The following MCPH1 variants were observed in gnomAD, a reference collection of about 807,000 sequenced individuals.
MCPH1 encodes microcephalin.
A neutral mutation model predicts 84.5 loss-of-function variants in MCPH1; 104 were observed. The observed-to-expected ratio is 1.23, with a 90% confidence interval of 1.05 to 1.45. The LOEUF is 1.45. Ranked by LOEUF, MCPH1 falls within the 40% of genes most tolerant of loss-of-function variation. MCPH1 has a pLI of 0.00. For missense variants in MCPH1, 1,498 were observed against 1,005.7 expected (o/e 1.49, Z -6.62); for synonymous variants, 514 against 366.8 (o/e 1.40, Z -4.58).
chr8:6,434,289 A>G (rs1002589063), intron 4 of MCPH1, among the ~76,000 whole-genome samples: 1 of 152,188 alleles, frequency 6.6e-6, no homozygotes, highest in African/African-American at 2.4e-5. Context: ...CTTCTTGTAT[A>G]CTGCTGACCC....
At chr8:6,480,693 A>AT (rs1355797252) in intron 10 of MCPH1, 21 bp from the exon 11 acceptor site, 3 of 1,614,014 alleles carry the variant, frequency 1.9e-6, no homozygotes, top group South Asian at 2.2e-5. Context: ...CATTTTGTTA[A>AT]TTTTTCCCCC....
chr8:6,473,628 G>T (rs894086914), intron 9 of MCPH1, among the ~76,000 whole-genome samples: 6 of 152,100 alleles, frequency 3.9e-5, no homozygotes, highest in Non-Finnish European at 7.4e-5. Flanking sequence ...ACCGCGCCCA[G>T]CCTGTCTCAA....
intron 3 of MCPH1, among the ~76,000 whole-genome samples, chr8:6,419,095 C>T (rs1373309): frequency 0.99 from 149,712 of 151,678 alleles, 73,904 homozygotes; most frequent in East Asian, 1. Context: ...TTTCAGTCAA[C>T]TTGACTTCAA....
chr8:6,462,928 G>A (rs1004345114), intron 9 of MCPH1, among the ~76,000 whole-genome samples: 2 of 152,086 alleles, frequency 1.3e-5, no homozygotes, highest in African/African-American at 4.8e-5. Context: ...CTTGGAGTAG[G>A]TCTCTCTTAC....
In MCPH1 at chr8:6,646,656, C is replaced by G. The variant is rs1798230377; in HGVS notation, c.*3607C>G. The G allele has an allele frequency of 1.3e-5, 2 of 152,158 alleles. No individual in the cohort carries two copies. The highest frequency in any genetic ancestry group is 2.4e-5 in the African/African-American group (1 of 41,438). The allele number at this position is 152,158 out of a possible 1,614,324, so 9.4% of individuals were successfully genotyped here. A position where few individuals can be genotyped will look rare whatever the true frequency, so the allele number is the denominator to read the frequency against. ...TTGGCGTTTGCTGGGGTGGATAATTCTTTCCTGTGGAGAGCTGTCCTGTGC... is the reference window on the plus strand; with the variant it reads ...TTGGCGTTTGCTGGGGTGGATAATTGTTTCCTGTGGAGAGCTGTCCTGTGC... On this transcript the variant is annotated 3_prime_UTR_variant, in exon 14 of 14. Transcript: ENST00000344683.
intron 12 of MCPH1, among the ~76,000 whole-genome samples, chr8:6,510,091 G>C (rs1303960115): frequency 1.3e-5 from 2 of 152,034 alleles, no homozygotes; most frequent in African/African-American, 4.8e-5. Flanking sequence ...GCTTACATCG[G>C]TCATCTGTGT....
chr8:6,626,047 C>A, intron 13 of MCPH1: 1 of 985,380 alleles, frequency 1.0e-6, no homozygotes, highest in Non-Finnish European at 1.2e-6. Context: ...ACAGTCCACC[C>A]GCCAGCCTTT....
intron 10 of MCPH1, among the ~76,000 whole-genome samples, chr8:6,478,746 T>C (rs1358714054): frequency 6.6e-6 from 1 of 152,194 alleles, no homozygotes; most frequent in Non-Finnish European, 1.5e-5. Flanking sequence ...TTGTTTTTGT[T>C]TTCTTTTATC....
chr8:6,562,701 C>T, intron 12 of MCPH1: 1 of 1,612,764 alleles, frequency 6.2e-7, no homozygotes, highest in Non-Finnish European at 8.5e-7. Flanking sequence ...CTTGCAGCCT[C>T]TGCACCGAGT....
chr8:6,528,467 C>G (rs1173034937), intron 12 of MCPH1, among the ~76,000 whole-genome samples: 1 of 152,162 alleles, frequency 6.6e-6, no homozygotes, highest in African/African-American at 2.4e-5. Flanking sequence ...CTGGGATTTC[C>G]TCATTTGTCA....
chr8:6,411,464 T>G (rs1798527563), intron 2 of MCPH1, among the ~76,000 whole-genome samples: 1 of 152,180 alleles, frequency 6.6e-6, no homozygotes, highest in African/African-American at 2.4e-5. Flanking sequence ...TGCTGGCAAT[T>G]CAGATATGCC....
At chr8:6,563,098 T>C in intron 12 of MCPH1, 1 of 691,262 alleles carries the variant, frequency 1.4e-6, no homozygotes, top group Non-Finnish European at 2.3e-6. Context: ...AACCTGGTTT[T>C]TACTGCTGTG....
At chr8:6,591,950 A>T (rs1828489278) in intron 12 of MCPH1, among the ~76,000 whole-genome samples, 1 of 152,216 alleles carries the variant, frequency 6.6e-6, no homozygotes, top group Non-Finnish European at 1.5e-5. Context: ...TGCTGGGGGA[A>T]ACCTATGGAA....
At position 6,455,178 on chromosome 8, in the gene MCPH1, G is replaced by T. The variant is rs376110995; in HGVS notation, c.1861G>T (p.Asp621Tyr). ...KNRPTRHDVL[D>Y]DSCDGFKDLI... ...TAGACCAACAAGGCATGATGTTTTAGATGACTCATGTGACGGCTTTAAGGA... is the reference window on the plus strand; with the variant it reads ...TAGACCAACAAGGCATGATGTTTTATATGACTCATGTGACGGCTTTAAGGA... The change falls in exon 9 of 14, where the codon GAT becomes TAT. Residue 621 changes from aspartate (D) to tyrosine (Y), a missense_variant. Physicochemically the swap from Asp to Tyr is radical, Grantham distance 160. Coordinates refer to ENST00000344683, the MANE Select transcript of MCPH1 (RefSeq NM_024596.5). 1.9e-6 allele frequency: 3 copies of T among 1,614,062 alleles called. No homozygotes were observed. The highest frequency in any genetic ancestry group is 2.5e-6 in the Non-Finnish European group (3 of 1,179,970).
chr8:6,414,328 T>C (rs1200849802), intron 2 of MCPH1, among the ~76,000 whole-genome samples: 1 of 152,234 alleles, frequency 6.6e-6, no homozygotes, highest in East Asian at 1.9e-4. Context: ...TATCTTAAGA[T>C]ATGAGGTATT....
At chr8:6,589,616 C>T (rs567490753) in intron 12 of MCPH1, among the ~76,000 whole-genome samples, 1 of 152,290 alleles carries the variant, frequency 6.6e-6, no homozygotes, top group African/African-American at 2.4e-5. Context: ...GTGTGCCAGG[C>T]ATTTTCATCT....
chr8:6,599,739 G>A (rs184778004), intron 12 of MCPH1, among the ~76,000 whole-genome samples: 56 of 152,290 alleles, frequency 3.7e-4, no homozygotes, highest in Admixed American at 2.5e-3. Flanking sequence ...TTTTTTGAAA[G>A]TAGTGAGGGT....
chr8:6,611,363 G>T (rs114492713), intron 12 of MCPH1, among the ~76,000 whole-genome samples: 1 of 152,176 alleles, frequency 6.6e-6, no homozygotes, highest in African/African-American at 2.4e-5. Flanking sequence ...CGGTAAATCA[G>T]GGGTTGCCAC....
chr8:6,423,220 C>T (rs531212120), intron 3 of MCPH1, among the ~76,000 whole-genome samples: 6 of 127,534 alleles, frequency 4.7e-5, no homozygotes, highest in African/African-American at 1.2e-4. Context: ...AACTGAGTCT[C>T]GCTCTGTCGC....
Sources: gnomAD v4.1 joint callset for allele counts (sites outside exome capture counted in the v4.1 genomes callset) on GRCh38, gnomAD v4.1.1 for gene constraint, MANE v1.5 for transcripts, NCBI Gene and HGNC (gene_info 2026-07-23, HGNC 2026-07-21) for gene names.